Variants in SPTBN4 observed in about 807,000 individuals in gnomAD.
SPTBN4 encodes the protein spectrin beta, non-erythrocytic 4.
SPTBN4 carries 96 observed loss-of-function variants against 277.8 expected under a neutral mutation model. The observed-to-expected ratio is 0.35, with a 90% CI of 0.29 to 0.41. The LOEUF is 0.41. SPTBN4 is among the 10% of genes least tolerant of loss of function. The pLI, the probability that SPTBN4 is intolerant of heterozygous loss-of-function variation, is 1.00. For synonymous variants in SPTBN4, 1,481 were observed against 1,580.3 expected, an observed-to-expected ratio of 0.94 and a Z score of 1.49; for missense variants, 3,006 against 3,595.7, an observed-to-expected ratio of 0.84 and a Z score of 4.19.
intron 22 of SPTBN4, among the ~76,000 whole-genome samples, chr19:40,552,569 A>G (rs814508): frequency 0.46 from 69,897 of 151,642 alleles, 17,102 homozygotes; most frequent in African/African-American, 0.56. Context: ...CCTATGAGGT[A>G]GATATTGTCA....
chr19:40,513,641 C>A, intron 14 of SPTBN4, 87 bp downstream of exon 14: 4 of 1,327,584 alleles, frequency 3.0e-6, no homozygotes, highest in Non-Finnish European at 4.0e-6. Flanking sequence ...CATGTTTGCT[C>A]AGCTGGAACT....
chr19:40,484,675 C>T (rs1055732135), intron 2 of SPTBN4, among the ~76,000 whole-genome samples: 1 of 151,902 alleles, frequency 6.6e-6, no homozygotes, highest in Non-Finnish European at 1.5e-5. Context: ...CGCCTGTAAT[C>T]CTAGCACTTT....
intron 1 of SPTBN4, among the ~76,000 whole-genome samples, chr19:40,470,509 G>T (rs1018380094): frequency 5.9e-5 from 9 of 152,074 alleles, no homozygotes; most frequent in African/African-American, 1.9e-4. Context: ...GTTTCACCAT[G>T]TTGGCCGGGC....
chr19:40,569,596 G>T, intron 31 of SPTBN4, 61 bp from the exon 32 acceptor site: 1 of 1,574,436 alleles, frequency 6.4e-7, no homozygotes. Context: ...TGCCCAGCCA[G>T]ACAGGTCCAT....
intron 22 of SPTBN4, among the ~76,000 whole-genome samples, chr19:40,552,354 C>T (rs1036754717): frequency 2.0e-5 from 3 of 149,496 alleles, no homozygotes; most frequent in Non-Finnish European, 3.0e-5. Flanking sequence ...ACTCGGGAGG[C>T]TGGGGCAGGA....
Position 40,490,494 on chromosome 19 carries a change from C to A in SPTBN4, c.495+246C>A, listed in dbSNP as rs1434766159. Among the ~76,000 whole-genome samples, 6 of 152,102 alleles carry A rather than the reference C, an allele frequency of 3.9e-5. No homozygotes were observed. The highest frequency in any genetic ancestry group is 7.4e-5 in the Non-Finnish European group (5 of 68,008). ...TTGACATTTAATACACACAGCAACC[C>A]CATAAATTAGGTACTATTTAGTACC... On this transcript the variant is annotated intron_variant, in intron 4 of 35. Coordinates refer to ENST00000598249, the MANE Select transcript of SPTBN4 (RefSeq NM_020971.3). This position sits in a 1 kb window ranked among gnomAD's most constrained non-coding sequence, Gnocchi z 4.3.
intron 2 of SPTBN4, among the ~76,000 whole-genome samples, chr19:40,477,636 G>C (rs1015757384): frequency 6.6e-6 from 1 of 152,198 alleles, no homozygotes; most frequent in African/African-American, 2.4e-5. Flanking sequence ...ATCCAGCCTG[G>C]AGAATCAAGG....
At chr19:40,499,301 A>G (rs950778063) in intron 7 of SPTBN4, among the ~76,000 whole-genome samples, 3 of 151,728 alleles carry the variant, frequency 2.0e-5, no homozygotes, top group Non-Finnish European at 4.4e-5. Flanking sequence ...CGTCCTCCCA[A>G]AGAGCTGGGA....
At chr19:40,514,256 G>A (rs916282910) in intron 14 of SPTBN4, among the ~76,000 whole-genome samples, 1 of 152,198 alleles carries the variant, frequency 6.6e-6, no homozygotes, top group Non-Finnish European at 1.5e-5. Context: ...GAAACACAGG[G>A]CTGCTCCTTG....
Position 40,502,046 on chromosome 19 carries a change from A to G in SPTBN4, c.897+13A>G. On this transcript the variant is annotated intron_variant, in intron 8 of 35. Transcript: ENST00000598249. The surrounding 1 kb of genome is among the most constrained non-coding windows in gnomAD (Gnocchi z 4.9). ...GCGTATCGGGAAGGTATAAGGAGCC[A>G]AGGAGTGGGTGAGTGGGAAGCTGGA... 1 of 1,614,090 alleles carries G rather than the reference A, an allele frequency of 6.2e-7. No homozygotes were observed. The highest frequency in any genetic ancestry group is 1.1e-5 in the South Asian group (1 of 91,082).
At position 40,504,052 on chromosome 19, in the gene SPTBN4, A is replaced by C. The variant is rs1265415474; in HGVS notation, c.1585A>C (p.Thr529Pro). 1.2e-6 allele frequency: 2 copies of C among 1,610,664 alleles called. No individual in the cohort carries two copies. Among genetic ancestry groups the C allele is most frequent in the African/African-American group, 1.3e-5 (1 of 74,434 alleles). ...LLTGLVGARR[T>P]RLEQNLALQK... ...AACTGGGCTTGTGGGTGCCCGGCGG[A>C]CACGACTTGAGCAGAACCTTGCCCT... is the stretch of plus-strand genomic sequence containing the variant. Residue 529 changes from threonine (T) to proline (P), a missense_variant, in exon 12 of 36, where the codon ACA (threonine) becomes CCA (proline). Physicochemically the swap from Thr to Pro is conservative, Grantham distance 38. Around this residue, in one of 5 missense-constraint regions of SPTBN4, gnomAD observed 1,759 missense variants for 2,061.5 expected, o/e 0.85. Coordinates refer to ENST00000598249, the MANE Select transcript of SPTBN4 (RefSeq NM_020971.3).
At chr19:40,484,806 C>T (rs2080051673) in intron 2 of SPTBN4, among the ~76,000 whole-genome samples, 1 of 151,788 alleles carries the variant, frequency 6.6e-6, no homozygotes, top group Non-Finnish European at 1.5e-5. Context: ...GTGGCAGGTA[C>T]CTGTAGTCCC....
At chr19:40,510,495 G>T (rs1017178548) in intron 13 of SPTBN4, among the ~76,000 whole-genome samples, 1 of 152,072 alleles carries the variant, frequency 6.6e-6, no homozygotes. Flanking sequence ...GGTAGAGATG[G>T]GGTTTTGCCG....
intron 7 of SPTBN4, among the ~76,000 whole-genome samples, chr19:40,498,096 C>T (rs1286331426): frequency 6.6e-6 from 1 of 151,962 alleles, no homozygotes; most frequent in Non-Finnish European, 1.5e-5. Flanking sequence ...ACTCATTTCG[C>T]CCTAGCCCAT....
rs2081116394 is a variant in SPTBN4, at chr19:40,568,209, C to T, written c.6883C>T (p.Arg2295Trp). ...RYEQMERRRE[R>W]RERRLERQES... ...TGAGCAGATGGAGCGGCGGCGCGAG[C>T]GGCGTGAGCGGCGCTTGGAGCGGCA... The change falls in exon 31 of 36, where the codon CGG becomes TGG. Residue 2295 changes from arginine (R) to tryptophan (W), a missense_variant. By Grantham distance (101) the Arg-to-Trp change is moderately radical. Coordinates refer to ENST00000598249, the MANE Select transcript of SPTBN4 (RefSeq NM_020971.3). The T allele has an allele frequency of 3.8e-6, 6 of 1,599,206 alleles. No individual in the cohort carries two copies. The highest frequency in any genetic ancestry group is 1.7e-5 in the Admixed American group (1 of 58,120).
intron 21 of SPTBN4, 62 bp downstream of exon 21, chr19:40,549,475 C>T (rs1020713333): frequency 3.4e-6 from 4 of 1,171,104 alleles, no homozygotes; most frequent in African/African-American, 3.3e-5. Flanking sequence ...AGAAGGTGGG[C>T]ATGGGGCGGG....
At chr19:40,512,162 A>G (rs1743627771) in intron 13 of SPTBN4, among the ~76,000 whole-genome samples, 1 of 152,216 alleles carries the variant, frequency 6.6e-6, no homozygotes, top group African/African-American at 2.4e-5. Flanking sequence ...GTTTCATTTG[A>G]CTCAGTTCTG....
rs1268723245 is a variant in SPTBN4, at chr19:40,560,748, T to A, written c.5915+345T>A. 1 of 1,322,242 alleles carries A rather than the reference T, an allele frequency of 7.6e-7. No homozygotes were observed. Among genetic ancestry groups the A allele is most frequent in the Non-Finnish European group, 9.7e-7 (1 of 1,034,690 alleles). 81.9% of individuals were successfully genotyped at this position (1,322,242 alleles called of 1,614,324 possible). On this transcript the variant is annotated intron_variant, in intron 27 of 35. Coordinates refer to ENST00000598249, the MANE Select transcript of SPTBN4 (RefSeq NM_020971.3). The surrounding 1 kb of genome is among the most constrained non-coding windows in gnomAD (Gnocchi z 5.2). ...GAGGGTGGGTGAAGAATTCTAACAA[T>A]TCCAGCATCTCAGTGGCTTCATTAG...
Position 40,524,021 on chromosome 19 carries a change from T to G in SPTBN4, c.3857+382T>G, listed in dbSNP as rs139477124. Among the ~76,000 whole-genome samples, 967 of 152,254 alleles carry G rather than the reference T, an allele frequency of 6.4e-3. 12 individuals are homozygous for G. The highest frequency in any genetic ancestry group is 0.022 in the African/African-American group (915 of 41,550). ...TTTCACCATGTTGGCCAGACTGGTC[T>G]TGAACTCTTGACCACCCACCTTGGC... On this transcript the variant is annotated intron_variant, in intron 17 of 35. Coordinates refer to ENST00000598249, the MANE Select transcript of SPTBN4 (RefSeq NM_020971.3).
Sources: allele counts gnomAD v4.1 joint callset (sites outside exome capture counted in the v4.1 genomes callset), GRCh38; gene constraint gnomAD v4.1.1; regional missense constraint gnomAD v4.1.1; non-coding constraint Gnocchi (gnomAD v3.1); transcripts MANE v1.5; gene names NCBI Gene and HGNC (gene_info 2026-07-23, HGNC 2026-07-21).